Variants in ZFP30 observed in about 807,000 individuals in gnomAD.
The protein encoded by ZFP30 is zinc finger protein 30 homolog.
ZFP30 carries 16 observed loss-of-function variants against 12.3 expected under a neutral mutation model. The ratio of observed to expected loss-of-function variants is 1.30; its 90% confidence interval spans 0.88 to 1.98. The LOEUF is 1.98. Among genes scored for constraint, ZFP30 ranks in the 30% most tolerant of loss-of-function variants. The pLI, the probability that ZFP30 is intolerant of heterozygous loss-of-function variation, is 0.00. For synonymous variants in ZFP30, 172 were observed against 201.0 expected (o/e 0.86, Z 1.22); for missense variants, 560 against 611.2 (o/e 0.92, Z 0.88).
At chr19:37,641,489 A>G (rs1233312260) in intron 5 of ZFP30, among the ~76,000 whole-genome samples, 2 of 152,234 alleles carry the variant, frequency 1.3e-5, no homozygotes, top group African/African-American at 4.8e-5. Flanking sequence ...AAAAGTAGAC[A>G]GAACGGCATA....
chr19:37,631,680 T>TAAAAAAAAAA lies in ZFP30; in HGVS notation c.*3291_*3300dup. On this transcript the variant is annotated 3_prime_UTR_variant, in exon 6 of 6. Transcript: ENST00000684514. Reference sequence around the variant, plus strand: ...ATTCCATTCTTAATACATAGAAAGCTAAAAAAAAAAAAAAAAAAAAGACAA... The same window carrying TAAAAAAAAAA: ...ATTCCATTCTTAATACATAGAAAGCTAAAAAAAAAAAAAAAAAAAAAAAAAAAAAAGACAA... The TAAAAAAAAAA allele has an allele frequency of 9.0e-6, 1 of 111,378 alleles. No homozygotes were observed. The highest frequency in any genetic ancestry group is 2.0e-5 in the Non-Finnish European group (1 of 49,972). The allele number at this position is 111,378 out of a possible 1,614,324, so 6.9% of individuals were successfully genotyped here.
At chr19:37,638,417 A>C (rs2044371675) in intron 5 of ZFP30, among the ~76,000 whole-genome samples, 1 of 152,234 alleles carries the variant, frequency 6.6e-6, no homozygotes. Context: ...AATTCTGAGC[A>C]AAGAGATGTT....
At position 37,636,112 on chromosome 19, in the gene ZFP30, T is replaced by C. The variant is rs769334250; in HGVS notation, c.429A>G (p.Thr143=). 2.0e-5 allele frequency: 33 copies of C among 1,614,086 alleles called. No individual in the cohort carries two copies. Among genetic ancestry groups the C allele is most frequent in the South Asian group, 6.6e-5 (6 of 91,088 alleles). Residue 143 remains threonine (T), a synonymous_variant, in exon 6 of 6, where the codon ACA becomes ACG. Transcript: ENST00000684514. ...SEKMPTYRKL[T]SLPLYQKSHN... Reference sequence around the variant, plus strand: ...GACTTTTCTGATACAGAGGAAGAGATGTGAGTTTTCTGTAAGTAGGCATTT... The same window carrying C: ...GACTTTTCTGATACAGAGGAAGAGACGTGAGTTTTCTGTAAGTAGGCATTT...
In ZFP30 at chr19:37,635,122, C is replaced by G; in HGVS notation, c.1419G>C (p.Lys473Asn). ...TCAGTGATGAATGAAGTCTAAAGGCCTTTCCACATTCCTTACAGTCATAGG... is the reference window on the plus strand; with the variant it reads ...TCAGTGATGAATGAAGTCTAAAGGCGTTTCCACATTCCTTACAGTCATAGG... ...EKPYDCKECG[K>N]AFRLHSSLIQ... is the part of the protein sequence containing the mutation. The change falls in exon 6 of 6, where the codon AAG (lysine) becomes AAC (asparagine). Residue 473 changes from lysine to asparagine, a missense_variant. Physicochemically the swap from Lys to Asn is moderately conservative, Grantham distance 94. Transcript: ENST00000684514. 1 of 1,613,448 alleles carries G rather than the reference C, an allele frequency of 6.2e-7. No individual in the cohort carries two copies. Among genetic ancestry groups the G allele is most frequent in the Admixed American group, 1.7e-5 (1 of 59,952 alleles).
In ZFP30 at chr19:37,633,197, C is replaced by G. The variant is rs139119062; in HGVS notation, c.*1784G>C. ...AAAAAAAAAAAAAAAAAGGTGCATA[C>G]CATGGGTACTATAATATAGAGATAG... On this transcript the variant is annotated 3_prime_UTR_variant, in exon 6 of 6. Coordinates refer to ENST00000684514, the MANE Select transcript of ZFP30 (RefSeq NM_001320669.3). 2.7e-5 allele frequency: 4 copies of G among 149,206 alleles called. No homozygotes were observed. Among genetic ancestry groups the G allele is most frequent in the Non-Finnish European group, 5.9e-5 (4 of 67,446 alleles). 9.2% of individuals were successfully genotyped at this position (149,206 alleles called of 1,614,324 possible).
intron 2 of ZFP30, among the ~76,000 whole-genome samples, chr19:37,649,868 C>T (rs772341540): frequency 3.3e-5 from 5 of 151,596 alleles, no homozygotes; most frequent in Non-Finnish European, 7.4e-5. Context: ...AATAAACACC[C>T]ATTAAAAATG....
At chr19:37,655,604 A>AG (rs2044743697), upstream of ZFP30, 1 of 152,398 alleles carries the variant, frequency 6.6e-6, no homozygotes, top group Non-Finnish European at 1.5e-5. Context: ...ACGGAGCCAG[A>AG]GGGGCCGCAG....
intron 3 of ZFP30, among the ~76,000 whole-genome samples, 167 bp downstream of exon 3, chr19:37,647,647 G>A (rs1368303235): frequency 1.3e-5 from 2 of 152,204 alleles, no homozygotes; most frequent in African/African-American, 4.8e-5. Context: ...GGAGAAGACA[G>A]GGGCACTTAG....
At chr19:37,651,985 A>G (rs2044660476) in intron 2 of ZFP30, among the ~76,000 whole-genome samples, 1 of 152,214 alleles carries the variant, frequency 6.6e-6, no homozygotes, top group African/African-American at 2.4e-5. Flanking sequence ...ATTAAAGGGA[A>G]ACAGACTTGA....
chr19:37,652,347 G>T (rs1013663503), intron 2 of ZFP30, among the ~76,000 whole-genome samples: 3 of 151,748 alleles, frequency 2.0e-5, no homozygotes, highest in African/African-American at 7.3e-5. Context: ...CAGGTGGATT[G>T]TCTGAGGTCA....
At chr19:37,645,037 C>G (rs2044514138) in intron 3 of ZFP30, among the ~76,000 whole-genome samples, 1 of 151,996 alleles carries the variant, frequency 6.6e-6, no homozygotes, top group Non-Finnish European at 1.5e-5. Flanking sequence ...AACCCCGTCT[C>G]TACTAAAAAT....
rs765126614 is a variant in ZFP30 at position 37,633,858 on chromosome 19, A to T, written c.*1123T>A. 3 of 152,242 alleles carry T rather than the reference A, an allele frequency of 2.0e-5. No homozygotes were observed. The highest frequency in any genetic ancestry group is 2.9e-5 in the Non-Finnish European group (2 of 68,052). The allele number at this position is 152,242 out of a possible 1,614,324, so 9.4% of individuals were successfully genotyped here. A position where few individuals can be genotyped will look rare whatever the true frequency, so the allele number is the denominator to read the frequency against. Reference sequence around the variant, plus strand: ...ATTTTTCTTTTGTATGAACAAAAGGACATTCCAGATATATCATCTCCTGTG... The same window carrying T: ...ATTTTTCTTTTGTATGAACAAAAGGTCATTCCAGATATATCATCTCCTGTG... On this transcript the variant is annotated 3_prime_UTR_variant, in exon 6 of 6. Coordinates refer to ENST00000684514, the MANE Select transcript of ZFP30 (RefSeq NM_001320669.3).
At chr19:37,648,109 ACT>A (rs1226619464) in intron 2 of ZFP30, among the ~76,000 whole-genome samples, 1 of 152,128 alleles carries the variant, frequency 6.6e-6, no homozygotes, top group African/African-American at 2.4e-5. Flanking sequence ...AAGAGCAGAG[ACT>A]CTGCGGCATC....
chr19:37,646,236 G>A (rs919543080), intron 3 of ZFP30, among the ~76,000 whole-genome samples: 1 of 152,100 alleles, frequency 6.6e-6, no homozygotes, highest in African/African-American at 2.4e-5. Flanking sequence ...TCCACTGGGG[G>A]TCTTGGAATG....
chr19:37,636,208 G>C lies in ZFP30; in HGVS notation c.333C>G (p.Ser111Arg), dbSNP rs150315341. ...SQWKVMERIK[S>R]CGLEEQESPH... ...GACTTTCTTGTTCTTCAAGTCCACA[G>C]CTTTTAATTCTTTCCATTACCTTCC... Residue 111 changes from serine (S) to arginine (R), a missense_variant, in exon 6 of 6, where the codon AGC becomes AGG. Ser to Arg is a moderately radical substitution (Grantham distance 110, BLOSUM62 -1). Coordinates refer to ENST00000684514, the MANE Select transcript of ZFP30 (RefSeq NM_001320669.3). 7.2e-5 allele frequency: 117 copies of C among 1,614,060 alleles called. No individual in the cohort carries two copies. Among genetic ancestry groups the C allele is most frequent in the Middle Eastern group, 1.6e-4 (1 of 6,062 alleles).
At chr19:37,639,582 A>C (rs999208881) in intron 5 of ZFP30, among the ~76,000 whole-genome samples, 1 of 152,118 alleles carries the variant, frequency 6.6e-6, no homozygotes, top group Non-Finnish European at 1.5e-5. Context: ...TGAGACCCCA[A>C]TCTCGAAAAA....
Position 37,635,450 on chromosome 19 carries a change from C to A in ZFP30, c.1091G>T (p.Ser364Ile). ...YDCKECGKTFSRGYHLTLHQR... is the reference protein window; with the variant it reads ...YDCKECGKTFIRGYHLTLHQR... The stretch of plus-strand genomic sequence containing the variant: ...ATGGAGAGTTAGATGATAGCCACGA[C>A]TGAAAGTCTTCCCACATTCCTTACA... Residue 364 changes from serine (S) to isoleucine (I), a missense_variant, in exon 6 of 6, where the codon AGT becomes ATT. By Grantham distance (142) the Ser-to-Ile change is moderately radical. Coordinates refer to ENST00000684514, the MANE Select transcript of ZFP30 (RefSeq NM_001320669.3). The A allele has an allele frequency of 6.2e-7, 1 of 1,614,190 alleles. No homozygotes were observed. The highest frequency in any genetic ancestry group is 8.5e-7 in the Non-Finnish European group (1 of 1,180,030).
rs1034025010 is a variant in ZFP30 at position 37,636,154 on chromosome 19, T to C, written c.387A>G (p.Thr129=). ...TAGGCATTTTTTCAGAGGTGGTTTT[T>C]GTCACTTGCCTGAAACACACCTCAT... ...SPHEVCFRQV[T]KTTSEKMPTY... The change falls in exon 6 of 6, where the codon ACA becomes ACG. Residue 129 remains threonine, a synonymous_variant. Coordinates refer to ENST00000684514, the MANE Select transcript of ZFP30 (RefSeq NM_001320669.3). 3.1e-6 allele frequency: 5 copies of C among 1,614,178 alleles called. No individual in the cohort carries two copies. In the South Asian group the frequency reaches 3.3e-5, roughly 11 times the overall value.
rs3079426 is a variant in ZFP30, at chr19:37,640,720, C to CAAAAT, written c.235+2540_235+2544dup. Among the ~76,000 whole-genome samples, 23 of 149,440 alleles carry CAAAAT rather than the reference C, an allele frequency of 1.5e-4. No homozygotes were observed. The East Asian group carries it at 1.6e-3, about 10-fold the overall frequency. ...TGGGCAACATGGAGAAACCTCGTCTCAAAATAAAATAAAATAAAATAAAAT... is the reference window on the plus strand; with the variant it reads ...TGGGCAACATGGAGAAACCTCGTCTCAAAATAAAATAAAATAAAATAAAATAAAAT... On this transcript the variant is annotated intron_variant, in intron 5 of 5. Coordinates refer to ENST00000684514, the MANE Select transcript of ZFP30 (RefSeq NM_001320669.3).
Sources: allele counts gnomAD v4.1 joint callset (sites outside exome capture counted in the v4.1 genomes callset), GRCh38; gene constraint gnomAD v4.1.1; transcripts MANE v1.5; gene names NCBI Gene and HGNC (gene_info 2026-07-23, HGNC 2026-07-21).